MTUS2: variants seen among roughly 807,000 people sequenced by gnomAD.
MTUS2 encodes microtubule associated scaffold protein 2, also known as microtubule-associated tumor suppressor candidate 2.
MTUS2 carries 40 observed loss-of-function variants against 114.1 expected under a neutral mutation model. The observed-to-expected ratio is 0.35, with a 90% CI of 0.27 to 0.46. The LOEUF is 0.46. MTUS2 is among the 20% of genes least tolerant of loss of function. The pLI is 1.00. For synonymous variants in MTUS2, 688 were observed against 672.0 expected (o/e 1.02, Z -0.37); for missense variants, 1,679 against 1,705.4 (o/e 0.98, Z 0.27).
At chr13:28,833,125 A>C (rs917054340) in intron 1 of MTUS2, among the ~76,000 whole-genome samples, 10 of 152,142 alleles carry the variant, frequency 6.6e-5, no homozygotes, top group African/African-American at 9.6e-5. Flanking sequence ...TTCAACGGTA[A>C]ATTCTACCAA....
chr13:28,903,480 T>C (rs552033149), intron 2 of MTUS2, among the ~76,000 whole-genome samples: 55 of 145,628 alleles, frequency 3.8e-4, no homozygotes, highest in African/African-American at 1.4e-3. Flanking sequence ...GTTCTCATTG[T>C]TCAATTCCCA....
intron 5 of MTUS2, among the ~76,000 whole-genome samples, chr13:29,205,399 G>A (rs1025285942): frequency 5.3e-5 from 8 of 151,324 alleles, no homozygotes; most frequent in Admixed American, 1.3e-4. Flanking sequence ...CTCTCTTTTC[G>A]CTTTTGTTTA....
At chr13:29,058,084 T>C (rs1888221824) in intron 4 of MTUS2, among the ~76,000 whole-genome samples, 1 of 152,206 alleles carries the variant, frequency 6.6e-6, no homozygotes, top group Non-Finnish European at 1.5e-5. Context: ...GGTTGGAATT[T>C]ATTTTCTTTA....
chr13:28,902,273 G>A (rs2137964277), intron 2 of MTUS2, among the ~76,000 whole-genome samples: 1 of 152,200 alleles, frequency 6.6e-6, no homozygotes, highest in Middle Eastern at 3.4e-3. Flanking sequence ...TGCAAACCAG[G>A]ATAGTTTCAT....
intron 6 of MTUS2, among the ~76,000 whole-genome samples, chr13:29,297,146 A>T (rs1376555415): frequency 6.6e-6 from 1 of 151,964 alleles, no homozygotes; most frequent in Non-Finnish European, 1.5e-5. Flanking sequence ...GTCTAGTTTC[A>T]TTTTTCTGCA....
At chr13:29,310,780 T>A (rs778334961) in intron 6 of MTUS2, among the ~76,000 whole-genome samples, 3 of 152,208 alleles carry the variant, frequency 2.0e-5, no homozygotes, top group Non-Finnish European at 4.4e-5. Flanking sequence ...CATACAGTGC[T>A]GGTGGGAAAG....
chr13:29,437,454 G>A lies in MTUS2; in HGVS notation c.3118-2529G>A, dbSNP rs142887733. Among the ~76,000 whole-genome samples the A allele has an allele frequency of 3.4e-3, 523 of 152,258 alleles. 11 individuals carry two copies. Among genetic ancestry groups the A allele is most frequent in the East Asian group, 0.017 (87 of 5,178 alleles). ...TTTCAGGGTCAGTACCAAAATTAGT[G>A]CTCTCCAAAATACCAAATTTGCTTA... On this transcript the variant is annotated intron_variant, in intron 8 of 15. Transcript: ENST00000612955.
chr13:29,274,030 G>T (rs778092718), intron 5 of MTUS2, among the ~76,000 whole-genome samples: 2 of 152,126 alleles, frequency 1.3e-5, no homozygotes, highest in Non-Finnish European at 2.9e-5. Flanking sequence ...GTTTTCTTGA[G>T]CATATACTTA....
At chr13:29,193,054 T>A (rs569357022) in intron 5 of MTUS2, among the ~76,000 whole-genome samples, 2 of 152,322 alleles carry the variant, frequency 1.3e-5, no homozygotes, top group South Asian at 4.1e-4. Flanking sequence ...TATCATACAT[T>A]TACATTTTAG....
chr13:29,097,719 G>C (rs1049253143), intron 4 of MTUS2, among the ~76,000 whole-genome samples: 2 of 152,112 alleles, frequency 1.3e-5, no homozygotes, highest in Non-Finnish European at 2.9e-5. Flanking sequence ...AACAGAGGGA[G>C]CTCTGTTTCC....
intron 4 of MTUS2, among the ~76,000 whole-genome samples, chr13:29,088,452 A>T (rs1889795349): frequency 6.6e-6 from 1 of 152,186 alleles, no homozygotes; most frequent in Non-Finnish European, 1.5e-5. Flanking sequence ...GTACATTCTT[A>T]CATTGTTGTG....
chr13:29,208,925 A>G (rs1895305130), intron 5 of MTUS2, among the ~76,000 whole-genome samples: 1 of 152,132 alleles, frequency 6.6e-6, no homozygotes, highest in South Asian at 2.1e-4. Context: ...AATGTTCTCT[A>G]AATATCTAAG....
intron 5 of MTUS2, among the ~76,000 whole-genome samples, chr13:29,252,532 A>G (rs1897157057): frequency 6.6e-6 from 1 of 152,154 alleles, no homozygotes; most frequent in South Asian, 2.1e-4. Flanking sequence ...GTGCTGCCAG[A>G]AAACTCCTTC....
At chr13:29,074,079 C>G (rs554902867) in intron 4 of MTUS2, among the ~76,000 whole-genome samples, 3 of 152,234 alleles carry the variant, frequency 2.0e-5, no homozygotes, top group Non-Finnish European at 4.4e-5. Context: ...TTGCCCCTCT[C>G]CAGCCCATCT....
intron 5 of MTUS2, 77 bp from the exon 6 acceptor site, chr13:29,281,627 G>C: frequency 6.9e-7 from 1 of 1,449,880 alleles, no homozygotes; most frequent in Admixed American, 2.0e-5. Flanking sequence ...CAGTAGGATT[G>C]GTTGGCAAGT....
intron 8 of MTUS2, among the ~76,000 whole-genome samples, chr13:29,370,922 G>T (rs757979499): frequency 2.0e-5 from 3 of 152,140 alleles, no homozygotes. Context: ...CAAGATTACC[G>T]CAGATAAAGA....
At chr13:29,109,079 G>A (rs1325742766) in intron 5 of MTUS2, among the ~76,000 whole-genome samples, 1 of 152,066 alleles carries the variant, frequency 6.6e-6, no homozygotes, top group African/African-American at 2.4e-5. Flanking sequence ...CTCTGTATTA[G>A]TTTTTATTTA....
chr13:29,461,803 A>T (rs1879516767), intron 9 of MTUS2, among the ~76,000 whole-genome samples: 1 of 152,256 alleles, frequency 6.6e-6, no homozygotes, highest in Non-Finnish European at 1.5e-5. Flanking sequence ...AGCAGCTGGG[A>T]TACTCAGGAA....
chr13:29,444,283 G>A (rs1350791490), intron 9 of MTUS2, among the ~76,000 whole-genome samples: 1 of 152,118 alleles, frequency 6.6e-6, no homozygotes, highest in Non-Finnish European at 1.5e-5. Flanking sequence ...TTAAAAATTA[G>A]CTAGGTGTGG....
Sources: gnomAD v4.1 joint callset for allele counts (sites outside exome capture counted in the v4.1 genomes callset) on GRCh38, gnomAD v4.1.1 for gene constraint, MANE v1.5 for transcripts, NCBI Gene and HGNC (gene_info 2026-07-23, HGNC 2026-07-21) for gene names.